ONECUT3: variants seen among roughly 807,000 people sequenced by gnomAD.
The protein encoded by ONECUT3 is one cut homeobox 3, also known as one cut domain family member 3.
Under a neutral mutation model 16.8 loss-of-function variants are expected in ONECUT3, and 11 were observed. The ratio of observed to expected loss-of-function variants is 0.66; its 90% CI spans 0.41 to 1.09. ONECUT3 has a LOEUF of 1.09. ONECUT3 is among the 50% of genes least tolerant of loss of function. The pLI is 0.00. For synonymous variants in ONECUT3, 344 were observed against 310.7 expected, an observed-to-expected ratio of 1.11 and a Z score of -1.13; for missense variants, 637 against 629.9, an observed-to-expected ratio of 1.01 and a Z score of -0.12.
intron 1 of ONECUT3, among the ~76,000 whole-genome samples, chr19:1,769,088 G>A (rs1263108315): frequency 1.4e-5 from 2 of 147,904 alleles, no homozygotes; most frequent in Non-Finnish European, 3.0e-5. Flanking sequence ...AGTGGAGGTG[G>A]AGGTGATGGA....
At position 1,753,903 on chromosome 19, in the gene ONECUT3, C is replaced by T. The variant is rs1316275144; in HGVS notation, c.241C>T (p.Arg81Cys). The T allele has an allele frequency of 5.5e-5, 54 of 982,468 alleles. No individual in the cohort carries two copies. Among genetic ancestry groups the T allele is most frequent in the South Asian group, 5.4e-4 (12 of 22,114 alleles). The allele number at this position is 982,468 out of a possible 1,614,324, so 60.9% of individuals were successfully genotyped here. A position where few individuals can be genotyped will look rare whatever the true frequency, so the allele number is the denominator to read the frequency against. Reference protein sequence around the residue: ...AGSAGGGADFRGELAGPLHPA... With the variant: ...AGSAGGGADFCGELAGPLHPA... ...CAGCGCGGGCGGCGGCGCGGACTTC[C>T]GCGGGGAACTGGCGGGCCCGCTGCA... Residue 81 changes from arginine (R) to cysteine (C), a missense_variant, in exon 1 of 2, where the codon CGC (arginine) becomes TGC (cysteine). By Grantham distance (180) the Arg-to-Cys change is radical (BLOSUM62 -3). Transcript: ENST00000382349.
At position 1,766,834 on chromosome 19, in the gene ONECUT3, C is replaced by T. The variant is rs550592695; in HGVS notation, c.1193-8319C>T. On this transcript the variant is annotated intron_variant, in intron 1 of 1. Transcript: ENST00000382349. The surrounding 1 kb of genome is among the most constrained non-coding windows in gnomAD (Gnocchi z 4.0). ...CCCCCCCCCCATGCTCCACCACCCTCGTGTAGGACAACCCAGGAACATGTT... is the reference window on the plus strand; with the variant it reads ...CCCCCCCCCCATGCTCCACCACCCTTGTGTAGGACAACCCAGGAACATGTT... Among the ~76,000 whole-genome samples, 4 of 152,182 alleles carry T rather than the reference C, an allele frequency of 2.6e-5. No homozygotes were observed. The East Asian group carries it at 7.8e-4, about 30-fold the overall frequency.
chr19:1,757,736 C>G (rs768931771), intron 1 of ONECUT3, among the ~76,000 whole-genome samples: 26 of 152,236 alleles, frequency 1.7e-4, no homozygotes, highest in Admixed American at 1.4e-3. Flanking sequence ...GCCTTTAGTT[C>G]CGGTCGCTGC....
intron 1 of ONECUT3, among the ~76,000 whole-genome samples, chr19:1,757,436 G>T (rs1204518015): frequency 1.3e-5 from 2 of 152,252 alleles, no homozygotes; most frequent in Non-Finnish European, 2.9e-5. Context: ...AGGGGTGCGT[G>T]GGGGAACCGG....
At position 1,764,493 on chromosome 19, in the gene ONECUT3, C is replaced by T. The variant is rs1231350217; in HGVS notation, c.1192+9639C>T. The stretch of plus-strand genomic sequence containing the variant: ...GCGCCTGCTGAGGCCAAGGTGGGCT[C>T]CGCGTGAGATGTGGGCAGGGCAGGC... On this transcript the variant is annotated intron_variant, in intron 1 of 1. Transcript: ENST00000382349. The surrounding 1 kb of genome is among the most constrained non-coding windows in gnomAD (Gnocchi z 5.0). Among the ~76,000 whole-genome samples the T allele has an allele frequency of 6.6e-6, 1 of 151,972 alleles. No homozygotes were observed. Among genetic ancestry groups the T allele is most frequent in the East Asian group, 1.9e-4 (1 of 5,180 alleles).
At chr19:1,774,495 A>T (rs1600362844) in intron 1 of ONECUT3, among the ~76,000 whole-genome samples, 1 of 152,082 alleles carries the variant, frequency 6.6e-6, no homozygotes, top group East Asian at 1.9e-4. Context: ...GGGTTTTGTG[A>T]TGCACCCCAG....
At chr19:1,772,582 T>C (rs2068065007) in intron 1 of ONECUT3, among the ~76,000 whole-genome samples, 1 of 152,162 alleles carries the variant, frequency 6.6e-6, no homozygotes, top group Non-Finnish European at 1.5e-5. Flanking sequence ...CTTGATCAGG[T>C]GACAACCCTG....
At chr19:1,760,730 C>G (rs1311974344) in intron 1 of ONECUT3, among the ~76,000 whole-genome samples, 1 of 152,084 alleles carries the variant, frequency 6.6e-6, no homozygotes, top group Non-Finnish European at 1.5e-5. Flanking sequence ...TTTTGCTTTT[C>G]CCAGCAGACC....
At position 1,773,986 on chromosome 19, in the gene ONECUT3, C is replaced by G. The variant is rs77736330; in HGVS notation, c.1193-1167C>G. 3.9e-3 allele frequency among the ~76,000 whole-genome samples: 590 copies of G among 152,332 alleles called. 7 individuals carry two copies. Among genetic ancestry groups the G allele is most frequent in the African/African-American group, 0.013 (558 of 41,570 alleles). On this transcript the variant is annotated intron_variant, in intron 1 of 1. Coordinates refer to ENST00000382349, the MANE Select transcript of ONECUT3 (RefSeq NM_001080488.2). Reference sequence around the variant, plus strand: ...TGGTCTGCAGGCCATGGGGCAGCCTCCTTCAGCCCTCTCCGTGATCTGTGC... The same window carrying G: ...TGGTCTGCAGGCCATGGGGCAGCCTGCTTCAGCCCTCTCCGTGATCTGTGC...
In ONECUT3 at chr19:1,754,423, G is replaced by A. The variant is rs2067905577; in HGVS notation, c.761G>A (p.Arg254His). The A allele has an allele frequency of 2.9e-6, 3 of 1,051,586 alleles. No homozygotes were observed. The highest frequency in any genetic ancestry group is 3.5e-5 in the African/African-American group (2 of 57,824). 65.1% of individuals were successfully genotyped at this position (1,051,586 alleles called of 1,614,324 possible). ...AFEPHAALLG[R>H]AEDALARGLP... ...GAGCCGCACGCCGCGCTGCTGGGAC[G>A]CGCGGAGGACGCACTGGCCCGCGGG... is the stretch of plus-strand genomic sequence containing the variant. The change falls in exon 1 of 2, where the codon CGC (arginine) becomes CAC (histidine). Residue 254 changes from arginine to histidine, a missense_variant. Around this residue, in one of 3 missense-constraint regions of ONECUT3, gnomAD observed 419 missense variants for 377.9 expected, o/e 1.11. Transcript: ENST00000382349. The surrounding 1 kb of genome is among the most constrained non-coding windows in gnomAD (Gnocchi z 7.4).
chr19:1,772,756 C>T lies in ONECUT3; in HGVS notation c.1193-2397C>T, dbSNP rs373412883. On this transcript the variant is annotated intron_variant, in intron 1 of 1. Transcript: ENST00000382349. ...TTGCCCAGGCTGAAATGCAATGGCACGATCTTGGCTCACCACAACTTCTGC... is the reference window on the plus strand; with the variant it reads ...TTGCCCAGGCTGAAATGCAATGGCATGATCTTGGCTCACCACAACTTCTGC... Among the ~76,000 whole-genome samples the T allele has an allele frequency of 4.4e-5, 6 of 136,590 alleles. No homozygotes were observed. In the East Asian group the frequency reaches 9.4e-4, roughly 21 times the overall value. The allele number at this position is 136,590 out of a possible 152,430, so 89.6% of individuals were successfully genotyped here.
In ONECUT3 at chr19:1,753,624, C is replaced by G. The variant is rs561582368; in HGVS notation, c.-39C>G. 138 of 864,526 alleles carry G rather than the reference C, an allele frequency of 1.6e-4. No homozygotes were observed. The African/African-American group carries it at 2.4e-3, about 15-fold the overall frequency. 53.6% of individuals were successfully genotyped at this position (864,526 alleles called of 1,614,324 possible). On this transcript the variant is annotated 5_prime_UTR_variant, in exon 1 of 2. Coordinates refer to ENST00000382349, the MANE Select transcript of ONECUT3 (RefSeq NM_001080488.2). ...TGCAGCGGCCTTGAGCACTAGGGGC[C>G]GGCGCTGAGGAGCGCGCGCGGCGGG...
Position 1,759,518 on chromosome 19 carries a change from G to A in ONECUT3, c.1192+4664G>A, listed in dbSNP as rs915376921. Among the ~76,000 whole-genome samples the A allele has an allele frequency of 6.6e-6, 1 of 152,078 alleles. No individual in the cohort carries two copies. The highest frequency in any genetic ancestry group is 2.4e-5 in the African/African-American group (1 of 41,416). The stretch of plus-strand genomic sequence containing the variant: ...GAGGAGAGGGAAGGGAGGGAAGGAA[G>A]GGGAGAGAGGAGAGAGGGAAAGACC... On this transcript the variant is annotated intron_variant, in intron 1 of 1. Transcript: ENST00000382349. The surrounding 1 kb of genome is among the most constrained non-coding windows in gnomAD (Gnocchi z 4.1).
rs1245066129 is a variant in ONECUT3 at position 1,779,780 on chromosome 19, A to C, written c.*4335A>C. On this transcript the variant is annotated 3_prime_UTR_variant, in exon 2 of 2. Coordinates refer to ENST00000382349, the MANE Select transcript of ONECUT3 (RefSeq NM_001080488.2). ...CGTTACTGTTTCTTTCCTCCTTTCT[A>C]AGGAACTGTGTCCAGCCGGGACAGG... 6.6e-6 allele frequency: 1 copy of C among 151,694 alleles called. No individual in the cohort carries two copies. The highest frequency in any genetic ancestry group is 1.5e-5 in the Non-Finnish European group (1 of 68,012). 9.4% of individuals were successfully genotyped at this position (151,694 alleles called of 1,614,324 possible). A position where few individuals can be genotyped will look rare whatever the true frequency, so the allele number is the denominator to read the frequency against.
At position 1,755,951 on chromosome 19, in the gene ONECUT3, G is replaced by A. The variant is rs577569829; in HGVS notation, c.1192+1097G>A. Among the ~76,000 whole-genome samples the A allele has an allele frequency of 6.6e-6, 1 of 152,228 alleles. No individual in the cohort carries two copies. The highest frequency in any genetic ancestry group is 2.1e-4 in the South Asian group (1 of 4,822). ...TTTCCCTGGTGGTGCTGGGGAGGGG[G>A]CTGTCCACCCGGGCCACAGGGACAA... On this transcript the variant is annotated intron_variant, in intron 1 of 1. Transcript: ENST00000382349. This position sits in a 1 kb window ranked among gnomAD's most constrained non-coding sequence, Gnocchi z 7.5.
chr19:1,753,782 G>A lies in ONECUT3; in HGVS notation c.120G>A (p.Ala40=), dbSNP rs1413502304. ...SAAAQHRGLV[A]PGRPGLVAGM... Reference sequence around the variant, plus strand: ...CGGCGCAGCACCGCGGCCTGGTGGCGCCCGGGCGCCCGGGCCTGGTGGCCG... The same window carrying A: ...CGGCGCAGCACCGCGGCCTGGTGGCACCCGGGCGCCCGGGCCTGGTGGCCG... Residue 40 remains alanine, a synonymous_variant, in exon 1 of 2, where the codon GCG becomes GCA. Coordinates refer to ENST00000382349, the MANE Select transcript of ONECUT3 (RefSeq NM_001080488.2). 3.1e-5 allele frequency: 30 copies of A among 975,482 alleles called. No individual in the cohort carries two copies. Among genetic ancestry groups the A allele is most frequent in the Non-Finnish European group, 3.5e-5 (29 of 822,164 alleles). 60.4% of individuals were successfully genotyped at this position (975,482 alleles called of 1,614,324 possible).
At position 1,761,694 on chromosome 19, in the gene ONECUT3, A is replaced by G. The variant is rs190508431; in HGVS notation, c.1192+6840A>G. On this transcript the variant is annotated intron_variant, in intron 1 of 1. Coordinates refer to ENST00000382349, the MANE Select transcript of ONECUT3 (RefSeq NM_001080488.2). ...TAATTAAATATGGGCCCTGATCAAT[A>G]GGGAGGGAAGCACTGGTGGGGTAGG... Among the ~76,000 whole-genome samples the G allele has an allele frequency of 2.0e-3, 299 of 152,300 alleles. 1 individual carries two copies. Among genetic ancestry groups the G allele is most frequent in the Non-Finnish European group, 3.8e-3 (256 of 68,010 alleles).
chr19:1,754,190 G>A lies in ONECUT3; in HGVS notation c.528G>A (p.Ala176=). 1 of 1,152,770 alleles carries A rather than the reference G, an allele frequency of 8.7e-7. No individual in the cohort carries two copies. The allele number at this position is 1,152,770 out of a possible 1,614,324, so 71.4% of individuals were successfully genotyped here. A position where few individuals can be genotyped will look rare whatever the true frequency, so the allele number is the denominator to read the frequency against. The part of the protein sequence containing the change: ...GSFTLMRDER[A]ALASVGHLYG... The stretch of plus-strand genomic sequence containing the variant: ...TCACCCTCATGCGCGACGAGCGGGC[G>A]GCGCTCGCCTCCGTGGGCCACCTCT... The change falls in exon 1 of 2, where the codon GCG becomes GCA. Residue 176 remains alanine (A), a synonymous_variant. Transcript: ENST00000382349. This position sits in a 1 kb window ranked among gnomAD's most constrained non-coding sequence, Gnocchi z 7.4.
In ONECUT3 at chr19:1,753,695, G is replaced by C. The variant is rs1382116355; in HGVS notation, c.33G>C (p.Leu11=). Reference sequence around the variant, plus strand: ...TGAGCCTGGAGAGCCTGGGGGGCCTGCACAGCGTGGCCCACGCGCAGGCGG... The same window carrying C: ...TGAGCCTGGAGAGCCTGGGGGGCCTCCACAGCGTGGCCCACGCGCAGGCGG... The part of the protein sequence containing the change: MELSLESLGG[L]HSVAHAQAGE... Residue 11 remains leucine, a synonymous_variant, in exon 1 of 2, where the codon CTG becomes CTC. Transcript: ENST00000382349. The C allele has an allele frequency of 1.4e-5, 15 of 1,048,880 alleles. No individual in the cohort carries two copies. The highest frequency in any genetic ancestry group is 1.7e-5 in the Non-Finnish European group (15 of 872,530). 65.0% of individuals were successfully genotyped at this position (1,048,880 alleles called of 1,614,324 possible). A position where few individuals can be genotyped will look rare whatever the true frequency, so the allele number is the denominator to read the frequency against.
Sources: allele counts gnomAD v4.1 joint callset (sites outside exome capture counted in the v4.1 genomes callset), GRCh38; gene constraint gnomAD v4.1.1; regional missense constraint gnomAD v4.1.1; non-coding constraint Gnocchi (gnomAD v3.1); transcripts MANE v1.5; gene names NCBI Gene and HGNC (gene_info 2026-07-23, HGNC 2026-07-21).